HERPUD2: variants seen among roughly 807,000 people sequenced by gnomAD.
The protein encoded by HERPUD2 is homocysteine-responsive endoplasmic reticulum-resident ubiquitin-like domain member 2 protein.
Under a neutral mutation model 49.9 loss-of-function variants are expected in HERPUD2, and 13 were observed. That is an observed-to-expected ratio of 0.26 (90% CI 0.17 to 0.41). HERPUD2 has a LOEUF of 0.41. Among genes scored for constraint, HERPUD2 ranks in the 10% least tolerant of loss-of-function variants. HERPUD2 has a pLI of 1.00. For missense variants in HERPUD2, 449 were observed against 492.2 expected (o/e 0.91, Z 0.83); for synonymous variants, 172 against 171.4 (o/e 1.00, Z -0.03).
intron 3 of HERPUD2, among the ~76,000 whole-genome samples, chr7:35,671,180 A>T (rs1163705286): frequency 2.0e-5 from 3 of 152,108 alleles, no homozygotes; most frequent in Admixed American, 2.0e-4. Context: ...ATGAACCTAT[A>T]ATTGTGCTTA....
At chr7:35,690,354 T>C (rs1445729248) in intron 2 of HERPUD2, among the ~76,000 whole-genome samples, 2 of 152,246 alleles carry the variant, frequency 1.3e-5, no homozygotes, top group Non-Finnish European at 2.9e-5. Context: ...AATTATGACT[T>C]TGTGAACATT....
At chr7:35,672,757 C>T (rs1241098671) in intron 3 of HERPUD2, among the ~76,000 whole-genome samples, 1 of 151,928 alleles carries the variant, frequency 6.6e-6, no homozygotes, top group East Asian at 1.9e-4. Context: ...CTCTCAGCAC[C>T]CACAAAGTTT....
intron 5 of HERPUD2, among the ~76,000 whole-genome samples, chr7:35,657,252 T>C (rs1785294760): frequency 6.6e-6 from 1 of 151,898 alleles, no homozygotes. Context: ...AACAGGTATA[T>C]GAAAAAAATG....
At chr7:35,660,559 T>C (rs1785392245) in intron 5 of HERPUD2, among the ~76,000 whole-genome samples, 1 of 152,252 alleles carries the variant, frequency 6.6e-6, no homozygotes, top group South Asian at 2.1e-4. Flanking sequence ...GACTTTTTAA[T>C]GATCGCCATT....
At chr7:35,634,655 T>G (rs1303336410) in intron 7 of HERPUD2, among the ~76,000 whole-genome samples, 1 of 152,176 alleles carries the variant, frequency 6.6e-6, no homozygotes, top group Non-Finnish European at 1.5e-5. Context: ...TGGCTCTATG[T>G]TAGTTATTAA....
intron 6 of HERPUD2, among the ~76,000 whole-genome samples, chr7:35,636,924 G>A (rs1784878913): frequency 6.6e-6 from 1 of 152,120 alleles, no homozygotes; most frequent in South Asian, 2.1e-4. Flanking sequence ...CTTGAGGCCA[G>A]GAGTTCAAGA....
intron 5 of HERPUD2, among the ~76,000 whole-genome samples, chr7:35,659,806 C>A (rs1160329193): frequency 1.3e-5 from 2 of 152,096 alleles, no homozygotes; most frequent in Non-Finnish European, 2.9e-5. Context: ...CTTTAACACT[C>A]ACTTTTGGCA....
rs1786261615 is a variant in HERPUD2 at position 35,694,168 on chromosome 7, G to C, written c.147+16C>G. ...CTGCTGGTCAGAGCAGCTGCCCCCA[G>C]CTTTTACACACTTACTGGTTTGCTA... On this transcript the variant is annotated intron_variant, in intron 2 of 8. Coordinates refer to ENST00000311350, the MANE Select transcript of HERPUD2 (RefSeq NM_022373.5). 6.2e-7 allele frequency: 1 copy of C among 1,614,026 alleles called. No individual in the cohort carries two copies. The highest frequency in any genetic ancestry group is 1.1e-5 in the South Asian group (1 of 91,078).
At chr7:35,655,927 G>A (rs768889899) in intron 5 of HERPUD2, among the ~76,000 whole-genome samples, 23 of 152,144 alleles carry the variant, frequency 1.5e-4, no homozygotes, top group African/African-American at 2.2e-4. Context: ...TTGGGAGGCC[G>A]AGGTGGGCAG....
chr7:35,660,863 G>A (rs1330103449), intron 5 of HERPUD2, among the ~76,000 whole-genome samples: 6 of 152,144 alleles, frequency 3.9e-5, no homozygotes, highest in African/African-American at 1.4e-4. Flanking sequence ...ATTTTGCTGG[G>A]CAGAAGCTCT....
chr7:35,633,744 G>C lies in HERPUD2; in HGVS notation c.1167C>G (p.Ile389Met). 1.2e-6 allele frequency: 2 copies of C among 1,613,890 alleles called. No individual in the cohort carries two copies. The highest frequency in any genetic ancestry group is 1.7e-6 in the Non-Finnish European group (2 of 1,179,862). The change falls in exon 9 of 9, where the codon ATC becomes ATG. Residue 389 changes from isoleucine to methionine, a missense_variant. Coordinates refer to ENST00000311350, the MANE Select transcript of HERPUD2 (RefSeq NM_022373.5). ...GTATTAGTGAAGTAAAGAAGGTGGT[G>C]ATGAAAGACCAAGCTGAAGCCATTA... ...PGLMASAWSFITTFFTSLIPE... is the reference protein window; with the variant it reads ...PGLMASAWSFMTTFFTSLIPE...
intron 5 of HERPUD2, among the ~76,000 whole-genome samples, chr7:35,639,304 G>T (rs1320747081): frequency 1.3e-5 from 2 of 152,076 alleles, no homozygotes; most frequent in Non-Finnish European, 2.9e-5. Context: ...AGAGTGGCAG[G>T]ATTACAGACA....
intron 2 of HERPUD2, among the ~76,000 whole-genome samples, chr7:35,682,339 GTGTGTGTGTGTGTGTGTGTATATA>G (rs1785922572): frequency 4.4e-5 from 1 of 22,700 alleles, no homozygotes; most frequent in Non-Finnish European, 1.0e-4. Context: ...GTGTGTGTGT[GTGTGTGTGTGTGTGTGTGTATATA>G]TATATATATA....
Position 35,670,318 on chromosome 7 carries a change from T to C in HERPUD2, c.236A>G (p.Tyr79Cys). Reference sequence around the variant, plus strand: ...AGTACATACTAGATGAACCATATGATACTCATCTTGCTAAAATTAAAGAAG... The same window carrying C: ...AGTACATACTAGATGAACCATATGACACTCATCTTGCTAAAATTAAAGAAG... Reference protein sequence around the residue: ...LKDILRKQDEYHMVHLVCTSR... With the variant: ...LKDILRKQDECHMVHLVCTSR... The change falls in exon 4 of 9, where the codon TAT (tyrosine) becomes TGT (cysteine). Residue 79 changes from tyrosine (Y) to cysteine (C), a missense_variant. Physicochemically the swap from Tyr to Cys is radical, Grantham distance 194. Transcript: ENST00000311350. 1.4e-6 allele frequency: 2 copies of C among 1,465,936 alleles called. No individual in the cohort carries two copies. The highest frequency in any genetic ancestry group is 1.4e-5 in the South Asian group (1 of 71,208). 90.8% of individuals were successfully genotyped at this position (1,465,936 alleles called of 1,614,324 possible). A position where few individuals can be genotyped will look rare whatever the true frequency, so the allele number is the denominator to read the frequency against.
At chr7:35,664,509 C>T (rs1041743777) in intron 5 of HERPUD2, among the ~76,000 whole-genome samples, 1 of 152,214 alleles carries the variant, frequency 6.6e-6, no homozygotes, top group Non-Finnish European at 1.5e-5. Flanking sequence ...GCATTCTCCC[C>T]ATCACTTTCA....
chr7:35,678,035 T>G (rs974170211), intron 2 of HERPUD2, among the ~76,000 whole-genome samples: 3 of 152,174 alleles, frequency 2.0e-5, no homozygotes, highest in Admixed American at 6.5e-5. Context: ...CTACTGAGTA[T>G]TCAGTTAACA....
intron 2 of HERPUD2, among the ~76,000 whole-genome samples, chr7:35,681,170 T>A (rs957202636): frequency 1.3e-5 from 2 of 152,224 alleles, no homozygotes; most frequent in African/African-American, 4.8e-5. Context: ...ATTAGTATTT[T>A]AGTATTTTTT....
At chr7:35,664,936 C>A (rs1397397673) in intron 5 of HERPUD2, among the ~76,000 whole-genome samples, 1 of 152,192 alleles carries the variant, frequency 6.6e-6, no homozygotes. Flanking sequence ...TGTTCCGCTG[C>A]TGGCAAGGAG....
At chr7:35,647,941 T>C (rs1348360610) in intron 5 of HERPUD2, among the ~76,000 whole-genome samples, 1 of 151,296 alleles carries the variant, frequency 6.6e-6, no homozygotes, top group Non-Finnish European at 1.5e-5. Context: ...TTGGATAAAG[T>C]GTGGTAAATG....
Sources: gnomAD v4.1 joint callset for allele counts (sites outside exome capture counted in the v4.1 genomes callset) on GRCh38, gnomAD v4.1.1 for gene constraint, MANE v1.5 for transcripts, NCBI Gene and HGNC (gene_info 2026-07-23, HGNC 2026-07-21) for gene names.